The following RABGEF1 variants were observed in gnomAD, a reference collection of about 807,000 sequenced individuals.
The protein encoded by RABGEF1 is rab5 GDP/GTP exchange factor.
A neutral mutation model predicts 57.3 loss-of-function variants in RABGEF1; 26 were observed. The ratio of observed to expected loss-of-function variants is 0.45; its 90% CI spans 0.33 to 0.63. The LOEUF (loss-of-function observed/expected upper bound fraction) is 0.63. Ranked by LOEUF, RABGEF1 falls within the 20% of genes least tolerant of loss-of-function variation. The probability of loss-of-function intolerance (pLI) is 0.02; values close to 1 mark genes in which losing one functional copy is unlikely to be tolerated. For missense variants in RABGEF1, 464 were observed against 607.6 expected, an observed-to-expected ratio of 0.76 and a Z score of 2.48; for synonymous variants, 185 against 210.7, an observed-to-expected ratio of 0.88 and a Z score of 1.06.
At chr7:66,662,226 G>A in the RABGEF1 span, among the ~76,000 whole-genome samples, 4 of 147,468 alleles carry the variant, frequency 2.7e-5, no homozygotes, top group Non-Finnish European at 4.5e-5. Context: ...GTGACAGAGC[G>A]AGACTCCGTC....
chr7:66,753,419 TA>T (rs1408429991), intron 1 of RABGEF1, among the ~76,000 whole-genome samples: 4 of 152,232 alleles, frequency 2.6e-5, no homozygotes, highest in Admixed American at 2.6e-4. Context: ...TTGGATGGTA[TA>T]TTTTTCCCCC....
chr7:66,797,390 CGAG>C lies in RABGEF1; in HGVS notation c.613_615del (p.Glu205del), dbSNP rs1562873834. On this transcript the variant is annotated inframe_deletion, in exon 6 of 9. Coordinates refer to ENST00000284957, the MANE Select transcript of RABGEF1 (RefSeq NM_014504.3). ...TTATTTCAGTGCCTCCAGAAAGAGT[CGAG>C]AAGATAATGGATCAGATTGAAAAGT... 1 of 1,609,462 alleles carries C rather than the reference CGAG, an allele frequency of 6.2e-7. No homozygotes were observed. Among genetic ancestry groups the C allele is most frequent in the Non-Finnish European group, 8.5e-7 (1 of 1,179,180 alleles).
chr7:66,760,716 A>C (rs1209396995), intron 1 of RABGEF1, among the ~76,000 whole-genome samples: 1 of 151,888 alleles, frequency 6.6e-6, no homozygotes, highest in African/African-American at 2.4e-5. Flanking sequence ...TGCTGGGATT[A>C]CAGGCATGAG....
intron 6 of RABGEF1, among the ~76,000 whole-genome samples, chr7:66,798,846 C>T (rs987009865): frequency 2.0e-5 from 3 of 152,114 alleles, no homozygotes; most frequent in African/African-American, 7.2e-5. Flanking sequence ...CCTGTAGTCC[C>T]GGCTGCTTGG....
chr7:66,681,776 G>C (rs1789761205), upstream of RABGEF1, among the ~76,000 whole-genome samples: 1 of 152,180 alleles, frequency 6.6e-6, no homozygotes, highest in South Asian at 2.1e-4. Flanking sequence ...AGCGTCCCTC[G>C]GCGCAGTGGC....
intron 2 of RABGEF1, among the ~76,000 whole-genome samples, chr7:66,712,649 G>C (rs1259325840): frequency 1.3e-5 from 2 of 151,546 alleles, no homozygotes; most frequent in African/African-American, 4.8e-5. Context: ...TTTTTGTATC[G>C]TTGGTAGAGA....
At chr7:66,671,030 T>TAG in the RABGEF1 span, among the ~76,000 whole-genome samples, 9 of 151,294 alleles carry the variant, frequency 5.9e-5, no homozygotes, top group East Asian at 3.9e-4. Context: ...TATATATATA[T>TAG]ATAGAGAGAG....
chr7:66,784,533 A>G (rs1321361212), intron 4 of RABGEF1, among the ~76,000 whole-genome samples: 1 of 152,242 alleles, frequency 6.6e-6, no homozygotes, highest in Non-Finnish European at 1.5e-5. Context: ...GTAACATTCT[A>G]TAACCATTAA....
chr7:66,783,812 C>G lies in RABGEF1; in HGVS notation c.484C>G (p.Leu162Val), dbSNP rs750722010. 2 of 1,613,014 alleles carry G rather than the reference C, an allele frequency of 1.2e-6. No homozygotes were observed. The highest frequency in any genetic ancestry group is 1.1e-5 in the South Asian group (1 of 90,942). Reference sequence around the variant, plus strand: ...CCAAGAAATCTATAAACAGACCAAGCTGTTTTTGGAAGGAATGCATTACAA... The same window carrying G: ...CCAAGAAATCTATAAACAGACCAAGGTGTTTTTGGAAGGAATGCATTACAA... ...TGQEIYKQTKLFLEGMHYKRD... is the reference protein window; with the variant it reads ...TGQEIYKQTKVFLEGMHYKRD... The change falls in exon 4 of 9, where the codon CTG (leucine) becomes GTG (valine). Residue 162 changes from leucine to valine, a missense_variant. Transcript: ENST00000284957.
intron 1 of RABGEF1, among the ~76,000 whole-genome samples, chr7:66,684,572 A>G (rs1790306854): frequency 6.6e-6 from 1 of 152,188 alleles, no homozygotes; most frequent in Non-Finnish European, 1.5e-5. Flanking sequence ...CTCTTGTCTC[A>G]GCCTCCCAAG....
Position 66,811,420 on chromosome 7 carries a change from A to C in RABGEF1, c.*2136A>C, listed in dbSNP as rs998461466. Reference sequence around the variant, plus strand: ...TGACTGGAATACACCTTTGGAACGGAATTCTTTATCAATAAAGTTTCACAA... The same window carrying C: ...TGACTGGAATACACCTTTGGAACGGCATTCTTTATCAATAAAGTTTCACAA... On this transcript the variant is annotated 3_prime_UTR_variant, in exon 9 of 9. Coordinates refer to ENST00000284957, the MANE Select transcript of RABGEF1 (RefSeq NM_014504.3). The C allele has an allele frequency of 6.6e-5, 10 of 152,496 alleles. No homozygotes were observed. The highest frequency in any genetic ancestry group is 5.9e-5 in the Non-Finnish European group (4 of 68,044). The allele number at this position is 152,496 out of a possible 1,614,324, so 9.4% of individuals were successfully genotyped here. A position where few individuals can be genotyped will look rare whatever the true frequency, so the allele number is the denominator to read the frequency against.
At chr7:66,654,717 G>C in the RABGEF1 span, 18 of 152,920 alleles carry the variant, frequency 1.2e-4, no homozygotes, top group African/African-American at 4.3e-4. Flanking sequence ...GCGGCGGGGC[G>C]GTCGGTCCGT....
At chr7:66,734,620 G>A (rs1336189454) in intron 2 of RABGEF1, among the ~76,000 whole-genome samples, 3 of 127,370 alleles carry the variant, frequency 2.4e-5, no homozygotes, top group African/African-American at 8.8e-5. Flanking sequence ...TTTTTTTTTA[G>A]TAGAGATGAG....
chr7:66,741,677 A>G (rs1288879486), intron 1 of RABGEF1, among the ~76,000 whole-genome samples: 1 of 152,116 alleles, frequency 6.6e-6, no homozygotes, highest in African/African-American at 2.4e-5. Flanking sequence ...TCCCCCCTCT[A>G]AACCTAGAAC....
At chr7:66,747,814 TG>T (rs1268433139) in intron 1 of RABGEF1, among the ~76,000 whole-genome samples, 1 of 152,214 alleles carries the variant, frequency 6.6e-6, no homozygotes, top group Non-Finnish European at 1.5e-5. Flanking sequence ...TTTTTTTCAG[TG>T]GAACATATCA....
At chr7:66,749,370 A>G (rs1223783929) in intron 1 of RABGEF1, among the ~76,000 whole-genome samples, 2 of 152,194 alleles carry the variant, frequency 1.3e-5, no homozygotes, top group Admixed American at 1.3e-4. Flanking sequence ...ATAGTTATGT[A>G]ATGCTGTGTT....
intron 1 of RABGEF1, among the ~76,000 whole-genome samples, chr7:66,683,042 A>G (rs1790027889): frequency 6.6e-6 from 1 of 152,124 alleles, no homozygotes; most frequent in Admixed American, 6.5e-5. Context: ...TTTGAGATTA[A>G]ATAGGAAATT....
intron 1 of RABGEF1, among the ~76,000 whole-genome samples, chr7:66,685,165 T>TC (rs1790411833): frequency 6.8e-6 from 1 of 147,412 alleles, no homozygotes; most frequent in Non-Finnish European, 1.5e-5. Context: ...TTTTTTTTTT[T>TC]TTTTTTTTGA....
chr7:66,772,219 C>A, intron 2 of RABGEF1, 141 bp downstream of exon 2: 3 of 586,330 alleles, frequency 5.1e-6, no homozygotes, highest in South Asian at 6.8e-5. Context: ...GTTTTCCTCT[C>A]TTCTTCTCAG....
Sources: gnomAD v4.1 joint callset for allele counts (sites outside exome capture counted in the v4.1 genomes callset) on GRCh38, gnomAD v4.1.1 for gene constraint, MANE v1.5 for transcripts, NCBI Gene and HGNC (gene_info 2026-07-23, HGNC 2026-07-21) for gene names.